Variants in FHIT observed in about 807,000 individuals in gnomAD.
FHIT encodes the protein bis(5'-adenosyl)-triphosphatase.
Under a neutral mutation model 17.9 loss-of-function variants are expected in FHIT, and 19 were observed. That is an observed-to-expected ratio of 1.06 (90% CI 0.74 to 1.56). FHIT has a LOEUF of 1.56. Ranked by LOEUF, FHIT falls within the 40% of genes most tolerant of loss-of-function variation. The pLI, the probability that FHIT is intolerant of heterozygous loss-of-function variation, is 0.00. For missense variants in FHIT, 248 were observed against 189.2 expected, an observed-to-expected ratio of 1.31 and a Z score of -1.82; for synonymous variants, 81 against 69.7, an observed-to-expected ratio of 1.16 and a Z score of -0.81.
intron 7 of FHIT, among the ~76,000 whole-genome samples, chr3:59,943,129 T>C (rs1404992177): frequency 2.2e-5 from 3 of 136,810 alleles, no homozygotes; most frequent in Non-Finnish European, 4.9e-5. Context: ...AAGCACATAG[T>C]TTTGCCGAGA....
At position 60,154,424 on chromosome 3, in the gene FHIT, A is replaced by T. The variant is rs79507382; in HGVS notation, c.104-140272T>A. On this transcript the variant is annotated intron_variant, in intron 5 of 9. Coordinates refer to ENST00000492590, the MANE Select transcript of FHIT (RefSeq NM_002012.4). ...CAGTCATGAAAGGTCATTCCAGTTTAAATTACAATCAACATATAGAAGCTA... is the reference window on the plus strand; with the variant it reads ...CAGTCATGAAAGGTCATTCCAGTTTTAATTACAATCAACATATAGAAGCTA... Among the ~76,000 whole-genome samples the T allele has an allele frequency of 4.6e-5, 7 of 152,332 alleles. No homozygotes were observed. The East Asian group carries it at 7.7e-4, about 17-fold the overall frequency.
chr3:61,206,237 G>C (rs2039225381), intron 1 of FHIT, among the ~76,000 whole-genome samples: 1 of 131,934 alleles, frequency 7.6e-6, no homozygotes, highest in Non-Finnish European at 1.6e-5. Flanking sequence ...AGTATAGTTT[G>C]AAGTCAGGTA....
intron 4 of FHIT, among the ~76,000 whole-genome samples, chr3:60,553,121 C>A (rs2036615557): frequency 6.6e-6 from 1 of 152,040 alleles, no homozygotes. Context: ...AATTATCTTG[C>A]TTTTATTAAT....
chr3:60,439,781 C>A (rs78801030), intron 5 of FHIT, among the ~76,000 whole-genome samples: 2 of 152,054 alleles, frequency 1.3e-5, no homozygotes, highest in Non-Finnish European at 1.5e-5. Context: ...CATTTTAGAA[C>A]GGAAGGAATA....
At chr3:60,284,462 C>T (rs1707619542) in intron 5 of FHIT, among the ~76,000 whole-genome samples, 1 of 152,088 alleles carries the variant, frequency 6.6e-6, no homozygotes, top group Non-Finnish European at 1.5e-5. Flanking sequence ...TGAAACCTAT[C>T]CCACTTGCCT....
At chr3:60,649,453 A>G (rs2039941363) in intron 4 of FHIT, among the ~76,000 whole-genome samples, 1 of 152,296 alleles carries the variant, frequency 6.6e-6, no homozygotes, top group East Asian at 1.9e-4. Flanking sequence ...GCTTCTAAGA[A>G]CCAAAGTTGC....
chr3:60,400,831 T>C (rs2107188409), intron 5 of FHIT, among the ~76,000 whole-genome samples: 1 of 152,276 alleles, frequency 6.6e-6, no homozygotes, highest in East Asian at 1.9e-4. Context: ...TTTGTTAGTC[T>C]AAATTCAAAG....
intron 8 of FHIT, among the ~76,000 whole-genome samples, chr3:59,852,523 A>G (rs1701982410): frequency 6.6e-6 from 1 of 152,156 alleles, no homozygotes; most frequent in African/African-American, 2.4e-5. Context: ...ACCTACAAGG[A>G]CATATCACCC....
intron 4 of FHIT, among the ~76,000 whole-genome samples, chr3:60,733,471 G>A (rs2042074049): frequency 6.6e-6 from 1 of 152,078 alleles, no homozygotes; most frequent in Non-Finnish European, 1.5e-5. Flanking sequence ...TTAGGCCAGT[G>A]AGCTGACAGA....
intron 1 of FHIT, among the ~76,000 whole-genome samples, chr3:61,244,453 T>C (rs2040440528): frequency 6.6e-6 from 1 of 152,222 alleles, no homozygotes; most frequent in South Asian, 2.1e-4. Flanking sequence ...TTGCATGGGA[T>C]GAAATATATC....
At chr3:60,499,391 C>T (rs576418188) in intron 5 of FHIT, among the ~76,000 whole-genome samples, 33 of 152,100 alleles carry the variant, frequency 2.2e-4, no homozygotes, top group African/African-American at 7.5e-4. Flanking sequence ...GCTTCACCCC[C>T]ACAGGTCTTC....
At chr3:59,863,117 C>T (rs984891500) in intron 8 of FHIT, among the ~76,000 whole-genome samples, 1 of 152,240 alleles carries the variant, frequency 6.6e-6, no homozygotes, top group Non-Finnish European at 1.5e-5. Context: ...TACACTGCAA[C>T]AGGGCCCTTT....
At chr3:60,482,838 T>C (rs1256756339) in intron 5 of FHIT, among the ~76,000 whole-genome samples, 1 of 147,802 alleles carries the variant, frequency 6.8e-6, no homozygotes, top group East Asian at 2.0e-4. Context: ...AGAGCAGAAC[T>C]GAAGGAGATA....
chr3:60,394,009 C>A (rs550928557), intron 5 of FHIT, among the ~76,000 whole-genome samples: 1 of 151,826 alleles, frequency 6.6e-6, no homozygotes, highest in African/African-American at 2.4e-5. Context: ...GGAGAATGGA[C>A]GGGAAAGAAA....
chr3:60,326,784 C>A (rs1569352), intron 5 of FHIT, among the ~76,000 whole-genome samples: 85,197 of 152,024 alleles, frequency 0.56, 24,654 homozygotes, highest in South Asian at 0.69. Context: ...GGAGTAAAAC[C>A]TTTCCTGTGC....
At chr3:59,844,639 T>C (rs1307062495) in intron 8 of FHIT, among the ~76,000 whole-genome samples, 7 of 152,178 alleles carry the variant, frequency 4.6e-5, no homozygotes, top group East Asian at 1.9e-4. Flanking sequence ...TTTTTGTGTA[T>C]AGAACCATCC....
intron 5 of FHIT, among the ~76,000 whole-genome samples, chr3:60,389,461 C>T (rs553097397): frequency 1.3e-5 from 2 of 152,290 alleles, no homozygotes; most frequent in South Asian, 2.1e-4. Flanking sequence ...TGTCCTCACA[C>T]GTAGGCTTTC....
chr3:60,523,729 C>G (rs1409695676), intron 5 of FHIT, among the ~76,000 whole-genome samples: 2 of 152,204 alleles, frequency 1.3e-5, no homozygotes, highest in Non-Finnish European at 2.9e-5. Context: ...GAGGAAATAA[C>G]TGATTTCATC....
At position 60,157,991 on chromosome 3, in the gene FHIT, A is replaced by C. The variant is rs570516753; in HGVS notation, c.104-143839T>G. ...CCTTGTTCGGTTCCTGAAAGAGACT[A>C]GTTGTTCTTCCTTAGAAGCATGAGC... On this transcript the variant is annotated intron_variant, in intron 5 of 9. Coordinates refer to ENST00000492590, the MANE Select transcript of FHIT (RefSeq NM_002012.4). Among the ~76,000 whole-genome samples the C allele has an allele frequency of 3.5e-3, 527 of 152,318 alleles. 5 individuals carry two copies. The highest frequency in any genetic ancestry group is 0.012 in the African/African-American group (505 of 41,584).
Sources: allele counts gnomAD v4.1 joint callset (sites outside exome capture counted in the v4.1 genomes callset), GRCh38; gene constraint gnomAD v4.1.1; transcripts MANE v1.5; gene names NCBI Gene and HGNC (gene_info 2026-07-23, HGNC 2026-07-21).